The following RGS20 variants were observed in gnomAD, a reference collection of about 807,000 sequenced individuals.
The protein encoded by RGS20 is gz-selective GTPase-activating protein.
A neutral mutation model predicts 33.6 loss-of-function variants in RGS20; 30 were observed. That is an observed-to-expected ratio of 0.89 (90% confidence interval 0.67 to 1.21). The LOEUF (loss-of-function observed/expected upper bound fraction) is 1.21, where lower values mean the gene tolerates loss of function less well. Ranked by LOEUF, RGS20 falls within the 50% of genes most tolerant of loss-of-function variation. The pLI is 0.00. For missense variants in RGS20, 472 were observed against 502.4 expected, an observed-to-expected ratio of 0.94 and a Z score of 0.58; for synonymous variants, 208 against 197.9, an observed-to-expected ratio of 1.05 and a Z score of -0.43.
chr8:53,858,689 C>T (rs552913147), intron 1 of RGS20, among the ~76,000 whole-genome samples: 2 of 152,028 alleles, frequency 1.3e-5, no homozygotes, highest in South Asian at 2.1e-4. Context: ...GCACATGATA[C>T]TGATTCACCC....
At chr8:53,950,967 T>A (rs1814695503) in intron 4 of RGS20, among the ~76,000 whole-genome samples, 1 of 152,270 alleles carries the variant, frequency 6.6e-6, no homozygotes, top group South Asian at 2.1e-4. Flanking sequence ...CTTTAAAAAA[T>A]TTTAAAGCAC....
chr8:53,927,660 G>C (rs1813843146), intron 2 of RGS20, among the ~76,000 whole-genome samples: 1 of 152,222 alleles, frequency 6.6e-6, no homozygotes, highest in South Asian at 2.1e-4. Context: ...CCAAAGGACA[G>C]TAAAATGATG....
chr8:53,865,001 C>T (rs1167171731), intron 1 of RGS20, among the ~76,000 whole-genome samples: 1 of 152,178 alleles, frequency 6.6e-6, no homozygotes, highest in South Asian at 2.1e-4. Flanking sequence ...ACAAGTTCTC[C>T]CAGCAGCCAG....
At chr8:53,896,874 T>C (rs145499837) in intron 2 of RGS20, among the ~76,000 whole-genome samples, 34 of 152,336 alleles carry the variant, frequency 2.2e-4, no homozygotes, top group African/African-American at 7.5e-4. Flanking sequence ...AGATTTCAAA[T>C]TACTTACAGC....
At chr8:53,857,924 GATATGTT>G (rs1166090287) in intron 1 of RGS20, among the ~76,000 whole-genome samples, 1 of 151,916 alleles carries the variant, frequency 6.6e-6, no homozygotes, top group Non-Finnish European at 1.5e-5. Flanking sequence ...TGAGATGATG[GATATGTT>G]AGCTTTATTT....
At chr8:53,892,171 G>T in intron 2 of RGS20, among the ~76,000 whole-genome samples, 1 of 152,130 alleles carries the variant, frequency 6.6e-6, no homozygotes, top group Non-Finnish European at 1.5e-5. Flanking sequence ...ATAGTTTACT[G>T]AGAATGATGA....
chr8:53,908,089 T>C (rs1299029977), intron 2 of RGS20, among the ~76,000 whole-genome samples: 4 of 152,096 alleles, frequency 2.6e-5, no homozygotes, highest in Non-Finnish European at 5.9e-5. Context: ...CTGAAGATCA[T>C]TGACAGTGAA....
At chr8:53,948,016 GTA>G (rs1180701693) in intron 4 of RGS20, among the ~76,000 whole-genome samples, 2 of 131,616 alleles carry the variant, frequency 1.5e-5, no homozygotes, top group Non-Finnish European at 3.1e-5. Flanking sequence ...ATATATGATA[GTA>G]TATATACTAT....
intron 2 of RGS20, among the ~76,000 whole-genome samples, chr8:53,884,417 A>G (rs571664483): frequency 5.9e-5 from 9 of 152,248 alleles, no homozygotes; most frequent in African/African-American, 2.2e-4. Flanking sequence ...GCTGATGAAC[A>G]GCCAGTTTAA....
At chr8:53,864,875 G>A (rs894514953) in intron 1 of RGS20, among the ~76,000 whole-genome samples, 44 of 152,176 alleles carry the variant, frequency 2.9e-4, no homozygotes, top group African/African-American at 9.2e-4. Flanking sequence ...CCCCTAAAAT[G>A]TTTCATATCA....
At chr8:53,867,026 G>T (rs1354931470) in intron 1 of RGS20, among the ~76,000 whole-genome samples, 1 of 152,050 alleles carries the variant, frequency 6.6e-6, no homozygotes, top group Admixed American at 6.6e-5. Flanking sequence ...GACCATCTTC[G>T]GCACAGATGA....
Position 53,946,699 on chromosome 8 carries a change from A to C in RGS20, c.694A>C (p.Thr232Pro). The C allele has an allele frequency of 6.2e-7, 1 of 1,613,294 alleles. No individual in the cohort carries two copies. ...TAGAAACCAGGAAGATCAGAGGCCC[A>C]CAATAGCTTCCCACGAACTCAGAGC... Residue 232 changes from threonine (T) to proline (P), a missense_variant, in exon 4 of 6, where the codon ACA (threonine) becomes CCA (proline). This residue lies in a region of RGS20 where 319 missense variants were observed against 283.4 expected (regional missense o/e 1.13). Coordinates refer to ENST00000297313, the MANE Select transcript of RGS20 (RefSeq NM_170587.4).
chr8:53,948,217 GTATA>G (rs1318609017), intron 4 of RGS20, among the ~76,000 whole-genome samples: 8 of 135,908 alleles, frequency 5.9e-5, no homozygotes, highest in Non-Finnish European at 3.0e-5. Flanking sequence ...ATATAAGATA[GTATA>G]TATATTTATA....
At chr8:53,878,563 T>C (rs530699737) in intron 1 of RGS20, among the ~76,000 whole-genome samples, 33 of 152,308 alleles carry the variant, frequency 2.2e-4, no homozygotes, top group African/African-American at 7.0e-4. Context: ...GAGGGTTCAC[T>C]TGTAGTAGCA....
intron 1 of RGS20, among the ~76,000 whole-genome samples, chr8:53,858,501 T>A (rs534436375): frequency 2.6e-5 from 4 of 151,274 alleles, no homozygotes; most frequent in Non-Finnish European, 5.9e-5. Flanking sequence ...TATATATATA[T>A]ACACACACAC....
chr8:53,940,198 G>A (rs766069743), intron 3 of RGS20, among the ~76,000 whole-genome samples: 1 of 152,084 alleles, frequency 6.6e-6, no homozygotes, highest in Non-Finnish European at 1.5e-5. Context: ...TTTAAAGAGA[G>A]AGAAATATTA....
At chr8:53,883,312 G>A (rs1812450206) in intron 2 of RGS20, among the ~76,000 whole-genome samples, 1 of 151,920 alleles carries the variant, frequency 6.6e-6, no homozygotes, top group South Asian at 2.1e-4. Flanking sequence ...ACAGGCATGC[G>A]CCACCACTCC....
At chr8:53,930,462 G>A (rs546984872) in intron 2 of RGS20, among the ~76,000 whole-genome samples, 11 of 152,334 alleles carry the variant, frequency 7.2e-5, no homozygotes, top group African/African-American at 2.2e-4. Flanking sequence ...TGGCCAAGAT[G>A]TTGGAACAGG....
intron 2 of RGS20, among the ~76,000 whole-genome samples, chr8:53,920,508 A>G (rs1813611383): frequency 6.6e-6 from 1 of 152,158 alleles, no homozygotes. Flanking sequence ...TTCCTTTTCA[A>G]TTTGAATGCC....
Sources: gnomAD v4.1 joint callset for allele counts (sites outside exome capture counted in the v4.1 genomes callset) on GRCh38, gnomAD v4.1.1 for gene constraint, gnomAD v4.1.1 regional missense constraint, MANE v1.5 for transcripts, NCBI Gene and HGNC (gene_info 2026-07-23, HGNC 2026-07-21) for gene names.